TAOK3: variants seen among roughly 807,000 people sequenced by gnomAD.
TAOK3 encodes the protein serine/threonine-protein kinase TAO3.
A neutral mutation model predicts 120.4 loss-of-function variants in TAOK3; 40 were observed. That is an observed-to-expected ratio of 0.33 (90% confidence interval 0.26 to 0.43). The LOEUF (loss-of-function observed/expected upper bound fraction) is 0.43. Among genes scored for constraint, TAOK3 ranks in the 20% least tolerant of loss-of-function variants. The pLI, the probability that TAOK3 is intolerant of heterozygous loss-of-function variation, is 1.00. For synonymous variants in TAOK3, 355 were observed against 387.5 expected, an observed-to-expected ratio of 0.92 and a Z score of 0.99; for missense variants, 821 against 1,112.1, an observed-to-expected ratio of 0.74 and a Z score of 3.72.
intron 3 of TAOK3, among the ~76,000 whole-genome samples, chr12:118,253,820 G>A (rs907749298): frequency 6.6e-6 from 1 of 151,772 alleles, no homozygotes; most frequent in Non-Finnish European, 1.5e-5. Flanking sequence ...TTGGGAGGCC[G>A]AGGTGGTCAG....
intron 1 of TAOK3, among the ~76,000 whole-genome samples, chr12:118,296,430 G>A (rs1037885328): frequency 6.6e-6 from 1 of 152,156 alleles, no homozygotes; most frequent in Non-Finnish European, 1.5e-5. Context: ...CACTATGCCT[G>A]GCCTGATTTT....
chr12:118,199,849 A>G (rs2037933534), intron 12 of TAOK3: 1 of 154,458 alleles, frequency 6.5e-6, no homozygotes, highest in Admixed American at 6.3e-5. Flanking sequence ...TAATCTTATT[A>G]TATATATCTG....
At chr12:118,173,504 A>C (rs1038150503) in intron 16 of TAOK3, among the ~76,000 whole-genome samples, 3 of 152,230 alleles carry the variant, frequency 2.0e-5, no homozygotes, top group Non-Finnish European at 2.9e-5. Context: ...TCCAGGCAAG[A>C]GAGATGGTAG....
At chr12:118,292,127 C>G (rs1166185447) in intron 1 of TAOK3, among the ~76,000 whole-genome samples, 1 of 152,094 alleles carries the variant, frequency 6.6e-6, no homozygotes, top group Admixed American at 6.6e-5. Flanking sequence ...AAAATTTAAT[C>G]CTGCTATACA....
At chr12:118,235,735 G>T in intron 7 of TAOK3, 64 bp from the exon 8 acceptor site, 1 of 1,012,728 alleles carries the variant, frequency 9.9e-7, no homozygotes, top group Non-Finnish European at 1.5e-6. Flanking sequence ...ATAGGTCAGA[G>T]CATGCAATTA....
At chr12:118,169,781 C>A (rs1211962213) in intron 17 of TAOK3, among the ~76,000 whole-genome samples, 2 of 151,664 alleles carry the variant, frequency 1.3e-5, no homozygotes, top group Non-Finnish European at 2.9e-5. Context: ...AGTGCAGTGG[C>A]GCAATCTCTG....
chr12:118,293,491 A>G (rs1408592237), intron 1 of TAOK3, among the ~76,000 whole-genome samples: 1 of 151,450 alleles, frequency 6.6e-6, no homozygotes, highest in Non-Finnish European at 1.5e-5. Flanking sequence ...AGCCTGACCA[A>G]CATTAGAAAC....
intron 1 of TAOK3, among the ~76,000 whole-genome samples, chr12:118,329,264 G>T (rs1265976391): frequency 6.6e-6 from 1 of 152,118 alleles, no homozygotes; most frequent in Non-Finnish European, 1.5e-5. Flanking sequence ...GAAAGAAAAG[G>T]CATGATAGCC....
intron 16 of TAOK3, among the ~76,000 whole-genome samples, chr12:118,175,552 G>A (rs1375020264): frequency 1.3e-5 from 2 of 152,164 alleles, no homozygotes; most frequent in South Asian, 2.1e-4. Context: ...GCTTGAACCC[G>A]GGAGGTGGAG....
At chr12:118,203,630 G>A (rs1467138444) in intron 11 of TAOK3, among the ~76,000 whole-genome samples, 1 of 151,704 alleles carries the variant, frequency 6.6e-6, no homozygotes, top group African/African-American at 2.4e-5. Context: ...CTTGAACCTG[G>A]GAGGCAGAAG....
chr12:118,264,176 T>C (rs2041349261), intron 2 of TAOK3, among the ~76,000 whole-genome samples: 1 of 152,202 alleles, frequency 6.6e-6, no homozygotes, highest in Admixed American at 6.5e-5. Flanking sequence ...CATTGGGCAG[T>C]TTCTTAAAAA....
At chr12:118,292,859 C>G (rs2042536041) in intron 1 of TAOK3, among the ~76,000 whole-genome samples, 1 of 152,190 alleles carries the variant, frequency 6.6e-6, no homozygotes, top group African/African-American at 2.4e-5. Context: ...ACAAGGGAAG[C>G]CTAAGTATTT....
chr12:118,162,041 C>A lies in TAOK3; in HGVS notation c.1900-14G>T, dbSNP rs1189699405. 1 of 1,609,862 alleles carries A rather than the reference C, an allele frequency of 6.2e-7. No homozygotes were observed. The highest frequency in any genetic ancestry group is 1.1e-5 in the South Asian group (1 of 91,030). ...TTTATTTAGTTCCTGCGTCCAGGAA[C>A]AAAAGATAAACGGAGAGAGGTGAAT... On this transcript the variant is annotated splice_polypyrimidine_tract_variant and intron_variant, in intron 17 of 20. Transcript: ENST00000392533.
Position 118,372,152 on chromosome 12 carries a change from C to T in TAOK3, c.-194+496G>A, listed in dbSNP as rs1471500759. Among the ~76,000 whole-genome samples the T allele has an allele frequency of 6.6e-6, 1 of 151,224 alleles. No homozygotes were observed. Among genetic ancestry groups the T allele is most frequent in the African/African-American group, 2.4e-5 (1 of 41,080 alleles). On this transcript the variant is annotated intron_variant, in intron 1 of 20. Coordinates refer to ENST00000392533, the MANE Select transcript of TAOK3 (RefSeq NM_016281.4). This position sits in a 1 kb window ranked among gnomAD's most constrained non-coding sequence, Gnocchi z 4.6. ...CCTGGATTCTCTCTGGGTCCCCTCC[C>T]CTCACCTCGGGGTCTCCTCTCCCCG...
chr12:118,166,041 C>T (rs754104820), intron 17 of TAOK3, among the ~76,000 whole-genome samples: 1 of 152,024 alleles, frequency 6.6e-6, no homozygotes, highest in Non-Finnish European at 1.5e-5. Context: ...ATGTGCTTTC[C>T]ATTTTTAAAA....
At chr12:118,367,662 T>G (rs1295477895) in intron 1 of TAOK3, among the ~76,000 whole-genome samples, 1 of 152,132 alleles carries the variant, frequency 6.6e-6, no homozygotes, top group Non-Finnish European at 1.5e-5. Flanking sequence ...TGATATGCAA[T>G]CTTATAATAT....
At position 118,185,812 on chromosome 12, in the gene TAOK3, C is replaced by A. The variant is rs368449713; in HGVS notation, c.1329+3995G>T. Among the ~76,000 whole-genome samples the A allele has an allele frequency of 2.6e-5, 4 of 152,272 alleles. No homozygotes were observed. The East Asian group carries it at 7.7e-4, about 29-fold the overall frequency. ...TATTCAATACACATTTATTGACAGACTTTGACCATATGGGTTGGGCATGTA... is the reference window on the plus strand; with the variant it reads ...TATTCAATACACATTTATTGACAGAATTTGACCATATGGGTTGGGCATGTA... On this transcript the variant is annotated intron_variant, in intron 14 of 20. Coordinates refer to ENST00000392533, the MANE Select transcript of TAOK3 (RefSeq NM_016281.4).
intron 13 of TAOK3, among the ~76,000 whole-genome samples, chr12:118,197,053 T>C (rs769508921): frequency 6.6e-6 from 1 of 152,162 alleles, no homozygotes; most frequent in Non-Finnish European, 1.5e-5. Flanking sequence ...TCATGAATAA[T>C]TTTTATTTCT....
At chr12:118,348,845 CTTTTTTTT>C (rs756607862) in intron 1 of TAOK3, among the ~76,000 whole-genome samples, 2 of 127,812 alleles carry the variant, frequency 1.6e-5, no homozygotes. Context: ...AAAATAATTT[CTTTTTTTT>C]TTTTTTTTTT....
Sources: gnomAD v4.1 joint callset for allele counts (sites outside exome capture counted in the v4.1 genomes callset) on GRCh38, gnomAD v4.1.1 for gene constraint, Gnocchi (gnomAD v3.1) non-coding constraint, MANE v1.5 for transcripts, NCBI Gene and HGNC (gene_info 2026-07-23, HGNC 2026-07-21) for gene names.